TASOR2: variants seen among roughly 807,000 people sequenced by gnomAD.
The protein encoded by TASOR2 is protein TASOR 2.
Under a neutral mutation model 199.5 loss-of-function variants are expected in TASOR2, and 84 were observed. The ratio of observed to expected loss-of-function variants is 0.42; its 90% CI spans 0.35 to 0.50. The LOEUF (loss-of-function observed/expected upper bound fraction) is 0.50, where lower values mean the gene tolerates loss of function less well. TASOR2 is among the 20% of genes least tolerant of loss of function. The pLI, the probability that TASOR2 is intolerant of heterozygous loss-of-function variation, is 0.02. For missense variants in TASOR2, 2,796 were observed against 2,835.9 expected, an observed-to-expected ratio of 0.99 and a Z score of 0.32; for synonymous variants, 1,103 against 1,046.6, an observed-to-expected ratio of 1.05 and a Z score of -1.04.
intron 19 of TASOR2, 110 bp downstream of exon 20, chr10:5,761,581 C>A: frequency 1.1e-6 from 1 of 896,404 alleles, no homozygotes. Flanking sequence ...GCTTGGCATC[C>A]CATGGATACC....
rs568100196 is a variant in TASOR2 at position 5,694,622 on chromosome 10, C to T, written c.-288+9447C>T. Among the ~76,000 whole-genome samples the T allele has an allele frequency of 1.3e-4, 20 of 152,298 alleles. No homozygotes were observed. In the East Asian group the frequency reaches 3.7e-3, roughly 28 times the overall value. On this transcript the variant is annotated intron_variant, in intron 1 of 20. Transcript: ENST00000328090. Reference sequence around the variant, plus strand: ...TTCTCCTGAATAATTTATGGTAGGACATTTTTCACTGTTACTAAATAGTTT... The same window carrying T: ...TTCTCCTGAATAATTTATGGTAGGATATTTTTCACTGTTACTAAATAGTTT...
In TASOR2 at chr10:5,720,784, A is replaced by G; in HGVS notation, c.46+10A>G. On this transcript the variant is annotated intron_variant, in intron 5 of 20. Coordinates refer to ENST00000328090, the Ensembl canonical transcript of TASOR2. This position sits in a 1 kb window ranked among gnomAD's most constrained non-coding sequence, Gnocchi z 5.3. ...GAACGCAGTGAAAATGGTAAGAAATAGTTCATTGATTCTTTTAGGTTTTTT... is the reference window on the plus strand; with the variant it reads ...GAACGCAGTGAAAATGGTAAGAAATGGTTCATTGATTCTTTTAGGTTTTTT... 6.2e-7 allele frequency: 1 copy of G among 1,609,150 alleles called. No homozygotes were observed.
At chr10:5,727,187 G>C in intron 10 of TASOR2, 64 bp downstream of exon 11, 1 of 1,556,424 alleles carries the variant, frequency 6.4e-7, no homozygotes, top group Admixed American at 1.7e-5. Context: ...CATCTGACTT[G>C]ACCTCTCAGC....
At chr10:5,696,466 C>T (rs575889542) in intron 1 of TASOR2, among the ~76,000 whole-genome samples, 1 of 152,186 alleles carries the variant, frequency 6.6e-6, no homozygotes, top group Non-Finnish European at 1.5e-5. Flanking sequence ...AAGCCATCCT[C>T]CCACCTCAGC....
chr10:5,733,108 T>C (rs1588790571), intron 11 of TASOR2, among the ~76,000 whole-genome samples: 1 of 152,198 alleles, frequency 6.6e-6, no homozygotes, highest in African/African-American at 2.4e-5. Context: ...GTAAGAAATA[T>C]GTTTGATATT....
chr10:5,702,927 C>T (rs1356741047), intron 1 of TASOR2, among the ~76,000 whole-genome samples: 1 of 152,080 alleles, frequency 6.6e-6, no homozygotes, highest in Non-Finnish European at 1.5e-5. Flanking sequence ...ATAACAGAAA[C>T]ATTCAATACC....
rs1315799590 is a variant in TASOR2, at chr10:5,754,893, G to A, written c.6607-1720G>A. Among the ~76,000 whole-genome samples, 2 of 151,262 alleles carry A rather than the reference G, an allele frequency of 1.3e-5. No individual in the cohort carries two copies. The highest frequency in any genetic ancestry group is 3.0e-5 in the Non-Finnish European group (2 of 67,796). ...CCCATCTCTACTAAAAATACAAAAA[G>A]AAATTAGCTGGGCGTGGTGGCGGGT... On this transcript the variant is annotated intron_variant, in intron 15 of 20. Transcript: ENST00000328090. The surrounding 1 kb of genome is among the most constrained non-coding windows in gnomAD (Gnocchi z 4.3).
chr10:5,697,838 C>A lies in TASOR2; in HGVS notation c.-288+12663C>A, dbSNP rs566177618. On this transcript the variant is annotated intron_variant, in intron 1 of 20. Coordinates refer to ENST00000328090, the Ensembl canonical transcript of TASOR2. ...ACATGTATAACAAAAATAGTATGTA[C>A]AGCATCCATACAGTGACTGTCTGGT... 2.0e-5 allele frequency among the ~76,000 whole-genome samples: 3 copies of A among 152,268 alleles called. No homozygotes were observed. The South Asian group carries it at 6.2e-4, about 32-fold the overall frequency.
Position 5,748,413 on chromosome 10 carries a change from T to C in TASOR2, c.4992T>C (p.Asn1664=), listed in dbSNP as rs770073634. 2 of 1,614,236 alleles carry C rather than the reference T, an allele frequency of 1.2e-6. No individual in the cohort carries two copies. The highest frequency in any genetic ancestry group is 1.7e-6 in the Non-Finnish European group (2 of 1,180,052). Residue 1664 remains asparagine, a synonymous_variant, in exon 15 of 21, where the codon AAT becomes AAC. Coordinates refer to ENST00000328090, the Ensembl canonical transcript of TASOR2. The surrounding 1 kb of genome is among the most constrained non-coding windows in gnomAD (Gnocchi z 5.1). ...CCACGCTTTGTTCTTCCTCAGACAA[T>C]GCTACATTAACCCATTATGTAAGAC...
rs566850673 is a variant in TASOR2, at chr10:5,690,830, T to C, written c.-288+5655T>C. On this transcript the variant is annotated intron_variant, in intron 1 of 20. Coordinates refer to ENST00000328090, the Ensembl canonical transcript of TASOR2. This position sits in a 1 kb window ranked among gnomAD's most constrained non-coding sequence, Gnocchi z 4.8. ...CCCAGTTGATGAGGAGCCAGAACAATGGTCATTACTGTATAGAGATGTTTT... is the reference window on the plus strand; with the variant it reads ...CCCAGTTGATGAGGAGCCAGAACAACGGTCATTACTGTATAGAGATGTTTT... Among the ~76,000 whole-genome samples the C allele has an allele frequency of 2.6e-5, 4 of 152,296 alleles. No homozygotes were observed. The highest frequency in any genetic ancestry group is 9.6e-5 in the African/African-American group (4 of 41,574).
intron 11 of TASOR2, among the ~76,000 whole-genome samples, chr10:5,732,501 G>C (rs554169362): frequency 1.3e-5 from 2 of 152,342 alleles, no homozygotes; most frequent in East Asian, 3.9e-4. Context: ...TCTAGGGTAT[G>C]GTAATCCCAG....
rs1837819626 is a variant in TASOR2 at position 5,701,338 on chromosome 10, TTTG to T, written c.-287-11482_-287-11480del. ...CCTGTTCTGTTCCTTTGGTCTGTGT[TTTG>T]TTTTTATGCCAGTGCTGTAGCTTTG... is the stretch of plus-strand genomic sequence containing the variant. On this transcript the variant is annotated intron_variant, in intron 1 of 20. Transcript: ENST00000328090. The surrounding 1 kb of genome is among the most constrained non-coding windows in gnomAD (Gnocchi z 4.9). 6.6e-6 allele frequency among the ~76,000 whole-genome samples: 1 copy of T among 152,076 alleles called. No homozygotes were observed. Among genetic ancestry groups the T allele is most frequent in the Admixed American group, 6.6e-5 (1 of 15,258 alleles).
intron 17 of TASOR2, 32 bp downstream of exon 18, chr10:5,757,705 G>C: frequency 1.2e-6 from 2 of 1,608,866 alleles, no homozygotes; most frequent in Non-Finnish European, 1.7e-6. Context: ...CTGTTTCTTT[G>C]AAGTCAGATC....
At chr10:5,728,113 T>C (rs1834287170) in intron 10 of TASOR2, among the ~76,000 whole-genome samples, 1 of 151,056 alleles carries the variant, frequency 6.6e-6, no homozygotes, top group South Asian at 2.1e-4. Context: ...CCAATCTCCT[T>C]GGGAGGCTCA....
rs199815183 is a variant in TASOR2, at chr10:5,742,459, C to G, written c.2690C>G (p.Thr897Ser). 3.4e-5 allele frequency: 55 copies of G among 1,613,862 alleles called. No individual in the cohort carries two copies. Among genetic ancestry groups the G allele is most frequent in the Non-Finnish European group, 4.2e-5 (50 of 1,179,994 alleles). Residue 897 changes from threonine (T) to serine (S), a missense_variant, in exon 14 of 21, where the codon ACT becomes AGT. By Grantham distance (58) the Thr-to-Ser change is moderately conservative (BLOSUM62 1). Coordinates refer to ENST00000328090, the Ensembl canonical transcript of TASOR2. This position sits in a 1 kb window ranked among gnomAD's most constrained non-coding sequence, Gnocchi z 4.2. The stretch of plus-strand genomic sequence containing the variant: ...TGTGTACAAAATGAACAGAAAAAAA[C>G]TTTTGCAAGAGAGTGTGATCCAGAC...
chr10:5,757,669 A>G (rs1262737160), exon 17 of TASOR2: 1 of 1,612,790 alleles, frequency 6.2e-7, no homozygotes, highest in East Asian at 2.2e-5. Context: ...AAGCTGTAAC[A>G]TTAGGTTGGT....
rs11255046 is a variant in TASOR2, at chr10:5,757,852, A to G, written c.6886+179A>G. On this transcript the variant is annotated intron_variant, in intron 17 of 20. Coordinates refer to ENST00000328090, the Ensembl canonical transcript of TASOR2. The stretch of plus-strand genomic sequence containing the variant: ...TTCATACAGTGATTCTCTTATAGCA[A>G]TGCTTTTCACCTCTTTTAACTGATT... Among the ~76,000 whole-genome samples the G allele has an allele frequency of 9.9e-3, 1,501 of 152,084 alleles. 28 individuals are homozygous for G. The highest frequency in any genetic ancestry group is 0.034 in the African/African-American group (1,415 of 41,470).
intron 1 of TASOR2, among the ~76,000 whole-genome samples, chr10:5,700,678 T>C (rs898431613): frequency 1.3e-5 from 2 of 152,198 alleles, no homozygotes; most frequent in African/African-American, 4.8e-5. Context: ...TCTCTGATCA[T>C]TCATGATGTT....
At position 5,717,738 on chromosome 10, in the gene TASOR2, T is replaced by C; in HGVS notation, c.-112T>C. The C allele has an allele frequency of 5.0e-6, 6 of 1,192,738 alleles. No homozygotes were observed. Among genetic ancestry groups the C allele is most frequent in the Non-Finnish European group, 6.3e-6 (6 of 952,006 alleles). The allele number at this position is 1,192,738 out of a possible 1,614,324, so 73.9% of individuals were successfully genotyped here. On this transcript the variant is annotated 5_prime_UTR_variant, in exon 3 of 21. An upstream open reading frame in the 5' UTR loses its in-frame stop. Coordinates refer to ENST00000328090, the Ensembl canonical transcript of TASOR2. ...GGAAATCTGGTTATGTTGTAATTTTTAATATAATTAAGGTAAAGCTTAAAT... is the reference window on the plus strand; with the variant it reads ...GGAAATCTGGTTATGTTGTAATTTTCAATATAATTAAGGTAAAGCTTAAAT...
Sources: gnomAD v4.1 joint callset for allele counts (sites outside exome capture counted in the v4.1 genomes callset) on GRCh38, gnomAD v4.1.1 for gene constraint, Gnocchi (gnomAD v3.1) non-coding constraint, MANE v1.5 for transcripts, NCBI Gene and HGNC (gene_info 2026-07-23, HGNC 2026-07-21) for gene names.